The following RBFOX1 variants were observed in gnomAD, a reference collection of about 807,000 sequenced individuals.
RBFOX1 encodes the protein RNA binding protein fox-1 homolog 1.
In RBFOX1, 8 loss-of-function variants were observed where a neutral mutation model predicts 57.7. That is an observed-to-expected ratio of 0.14 (90% confidence interval 0.08 to 0.25). The LOEUF (loss-of-function observed/expected upper bound fraction) is 0.25. Ranked by LOEUF, RBFOX1 falls within the 10% of genes least tolerant of loss-of-function variation. The probability of loss-of-function intolerance (pLI) is 1.00; values close to 1 mark genes in which losing one functional copy is unlikely to be tolerated. For missense variants in RBFOX1, 611 were observed against 548.5 expected (o/e 1.11, Z -1.14); for synonymous variants, 326 against 222.4 (o/e 1.47, Z -4.15).
chr16:6,433,174 T>C (rs763462780), intron 2 of RBFOX1, among the ~76,000 whole-genome samples: 2 of 152,152 alleles, frequency 1.3e-5, no homozygotes, highest in African/African-American at 4.8e-5. Flanking sequence ...GGGCTATGGA[T>C]ACAGTGAAAA....
At chr16:6,957,558 C>T (rs1410504963) in intron 3 of RBFOX1, among the ~76,000 whole-genome samples, 3 of 152,086 alleles carry the variant, frequency 2.0e-5, no homozygotes, top group East Asian at 1.9e-4. Flanking sequence ...AGAGGTGACT[C>T]TCATCACCAT....
At chr16:5,345,140 G>C (rs950452678) in intron 1 of RBFOX1, among the ~76,000 whole-genome samples, 15 of 152,162 alleles carry the variant, frequency 9.9e-5, no homozygotes, top group African/African-American at 3.6e-4. Flanking sequence ...GACCCTCTGT[G>C]AACTGCTTGT....
At chr16:6,314,199 C>A (rs1033306894) in intron 1 of RBFOX1, among the ~76,000 whole-genome samples, 11 of 152,112 alleles carry the variant, frequency 7.2e-5, no homozygotes, top group Non-Finnish European at 1.6e-4. Flanking sequence ...GTGCTGTAAC[C>A]CTCTGGGGCA....
intron 4 of RBFOX1, among the ~76,000 whole-genome samples, chr16:5,921,344 A>T (rs2058816980): frequency 6.6e-6 from 1 of 152,242 alleles, no homozygotes. Context: ...CCTTGGAGGG[A>T]TAGCAATTTT....
At chr16:6,655,581 CAATT>C (rs2098644439) in intron 3 of RBFOX1, among the ~76,000 whole-genome samples, 1 of 151,998 alleles carries the variant, frequency 6.6e-6, no homozygotes, top group Non-Finnish European at 1.5e-5. Flanking sequence ...AACCGTTAGA[CAATT>C]GTTTGTTAAT....
intron 2 of RBFOX1, among the ~76,000 whole-genome samples, chr16:6,585,818 G>A (rs143993479): frequency 3.9e-5 from 6 of 152,234 alleles, no homozygotes; most frequent in East Asian, 1.9e-4. Flanking sequence ...GACAATTTGT[G>A]TAGGGGTCTG....
intron 3 of RBFOX1, among the ~76,000 whole-genome samples, chr16:5,852,878 C>T (rs2056931549): frequency 1.3e-5 from 2 of 152,054 alleles, no homozygotes; most frequent in Non-Finnish European, 2.9e-5. Flanking sequence ...TCACCTTTCC[C>T]CTGCCAGCAG....
chr16:7,410,194 CG>C (rs1412624208), intron 4 of RBFOX1, among the ~76,000 whole-genome samples: 1 of 43,584 alleles, frequency 2.3e-5, no homozygotes, highest in Non-Finnish European at 5.1e-5. Flanking sequence ...AGCTCATCTG[CG>C]CTGGGTGACC....
intron 4 of RBFOX1, among the ~76,000 whole-genome samples, chr16:7,369,422 A>G (rs1395666685): frequency 6.6e-6 from 1 of 152,162 alleles, no homozygotes; most frequent in Non-Finnish European, 1.5e-5. Flanking sequence ...TCCTCTCACT[A>G]TTAATTCATC....
chr16:6,587,943 G>A (rs561878516), intron 2 of RBFOX1, among the ~76,000 whole-genome samples: 7 of 152,230 alleles, frequency 4.6e-5, no homozygotes, highest in African/African-American at 1.7e-4. Flanking sequence ...AAACAAGGCG[G>A]TTTTTGCCTG....
chr16:5,895,238 C>A (rs2058137370), intron 4 of RBFOX1, among the ~76,000 whole-genome samples: 1 of 152,210 alleles, frequency 6.6e-6, no homozygotes, highest in Non-Finnish European at 1.5e-5. Flanking sequence ...GAGGCAGTTT[C>A]ATGGGGGATG....
intron 3 of RBFOX1, among the ~76,000 whole-genome samples, chr16:6,992,213 G>C (rs961557821): frequency 2.0e-5 from 3 of 151,610 alleles, no homozygotes; most frequent in African/African-American, 7.3e-5. Context: ...GCACAGGCTG[G>C]AGTGCAGTGG....
intron 1 of RBFOX1, among the ~76,000 whole-genome samples, chr16:6,211,347 G>A (rs2097296748): frequency 6.6e-6 from 1 of 150,414 alleles, no homozygotes; most frequent in Admixed American, 6.7e-5. Context: ...TTCTACCTCA[G>A]CCTCCCAGGT....
intron 3 of RBFOX1, among the ~76,000 whole-genome samples, chr16:6,950,444 A>G (rs757343876): frequency 3.9e-5 from 6 of 152,200 alleles, no homozygotes; most frequent in Admixed American, 2.6e-4. Flanking sequence ...GCAGTTTGGT[A>G]TCCTAGTGCC....
intron 4 of RBFOX1, among the ~76,000 whole-genome samples, chr16:6,008,630 G>A (rs2094941410): frequency 6.6e-6 from 1 of 152,188 alleles, no homozygotes; most frequent in Non-Finnish European, 1.5e-5. Flanking sequence ...ACAACCAGGG[G>A]AGTTTGAAGA....
intron 5 of RBFOX1, among the ~76,000 whole-genome samples, chr16:7,559,748 A>G (rs899475001): frequency 1.3e-5 from 2 of 152,188 alleles, no homozygotes; most frequent in Non-Finnish European, 2.9e-5. Context: ...TTCGCTTTTC[A>G]TCTACCCTCC....
intron 2 of RBFOX1, among the ~76,000 whole-genome samples, chr16:6,615,527 A>G (rs560667504): frequency 5.9e-5 from 9 of 151,978 alleles, no homozygotes; most frequent in African/African-American, 1.9e-4. Context: ...CCAAGATCGC[A>G]CCACATCTCT....
intron 2 of RBFOX1, among the ~76,000 whole-genome samples, chr16:6,574,260 C>T (rs1027739144): frequency 6.6e-6 from 1 of 151,922 alleles, no homozygotes; most frequent in Non-Finnish European, 1.5e-5. Flanking sequence ...TGAGGTAACA[C>T]ACGTTGTTCA....
At chr16:6,876,721 A>G (rs903061306) in intron 3 of RBFOX1, among the ~76,000 whole-genome samples, 3 of 152,138 alleles carry the variant, frequency 2.0e-5, no homozygotes, top group African/African-American at 7.2e-5. Flanking sequence ...TCTGATCAAG[A>G]GAGAACCCAT....
Sources: gnomAD v4.1 joint callset for allele counts (sites outside exome capture counted in the v4.1 genomes callset) on GRCh38, gnomAD v4.1.1 for gene constraint, MANE v1.5 for transcripts, NCBI Gene and HGNC (gene_info 2026-07-23, HGNC 2026-07-21) for gene names.